Variants in XKR4 observed in about 807,000 individuals in gnomAD.
The protein encoded by XKR4 is XK related 4, also known as XK-related protein 4.
XKR4 carries 12 observed loss-of-function variants against 53.9 expected under a neutral mutation model. The ratio of observed to expected loss-of-function variants is 0.22; its 90% CI spans 0.14 to 0.36. The LOEUF is 0.36. XKR4 is among the 10% of genes least tolerant of loss of function. The pLI is 1.00. For synonymous variants in XKR4, 354 were observed against 362.4 expected (o/e 0.98, Z 0.26); for missense variants, 799 against 859.5 (o/e 0.93, Z 0.88).
In XKR4 at chr8:55,454,268, A is replaced by T. The variant is rs1414263733; in HGVS notation, c.1007-69013A>T. The T allele has an allele frequency of 3.0e-6, 4 of 1,325,174 alleles. No individual in the cohort carries two copies. In the East Asian group the frequency reaches 9.2e-5, roughly 31 times the overall value. 82.1% of individuals were successfully genotyped at this position (1,325,174 alleles called of 1,614,324 possible). ...ATCCAGATCAGCTACAATCACGTCT[A>T]GCAGCTCCTGGGTCTCTGCCTGGAA... On this transcript the variant is annotated intron_variant, in intron 2 of 2. Transcript: ENST00000327381.
At chr8:55,461,289 G>A (rs765561264) in intron 2 of XKR4, among the ~76,000 whole-genome samples, 4 of 152,198 alleles carry the variant, frequency 2.6e-5, no homozygotes, top group Non-Finnish European at 4.4e-5. Flanking sequence ...CCAGAGGAAC[G>A]ATCAGGCAGC....
At chr8:55,482,485 A>G (rs1806125551) in intron 2 of XKR4, among the ~76,000 whole-genome samples, 1 of 152,158 alleles carries the variant, frequency 6.6e-6, no homozygotes, top group African/African-American at 2.4e-5. Flanking sequence ...AACATGGCAC[A>G]TGTATACATA....
intron 1 of XKR4, among the ~76,000 whole-genome samples, chr8:55,304,825 C>CT (rs1563320271): frequency 1.3e-5 from 2 of 151,948 alleles, no homozygotes; most frequent in African/African-American, 2.4e-5. Flanking sequence ...CAACCCCTGC[C>CT]TTTTTTTGTT....
Position 55,283,350 on chromosome 8 carries a change from C to A in XKR4, c.807-74328C>A, listed in dbSNP as rs141564866. On this transcript the variant is annotated intron_variant, in intron 1 of 2. Transcript: ENST00000327381. ...GACTGAGAAGGCCCAATTTTAAATACCAGCTCCGTCACCAGCTGCTCTGTG... is the reference window on the plus strand; with the variant it reads ...GACTGAGAAGGCCCAATTTTAAATAACAGCTCCGTCACCAGCTGCTCTGTG... 5.9e-3 allele frequency among the ~76,000 whole-genome samples: 895 copies of A among 152,316 alleles called. 4 individuals are homozygous for A. The highest frequency in any genetic ancestry group is 9.2e-3 in the Non-Finnish European group (627 of 68,022).
At chr8:55,127,153 A>C (rs1165022078) in intron 1 of XKR4, among the ~76,000 whole-genome samples, 1 of 152,126 alleles carries the variant, frequency 6.6e-6, no homozygotes, top group Non-Finnish European at 1.5e-5. Context: ...CTATTCTCGT[A>C]TGAGCCAGCT....
At chr8:55,342,679 G>A (rs942917306) in intron 1 of XKR4, among the ~76,000 whole-genome samples, 2 of 152,178 alleles carry the variant, frequency 1.3e-5, no homozygotes, top group East Asian at 1.9e-4. Flanking sequence ...GATTTTAAAC[G>A]AAGAGGGCTT....
At chr8:55,119,780 A>G (rs1312312936) in intron 1 of XKR4, among the ~76,000 whole-genome samples, 1 of 152,208 alleles carries the variant, frequency 6.6e-6, no homozygotes, top group East Asian at 1.9e-4. Flanking sequence ...TCTGAGCTTT[A>G]AAAGGCTCCA....
At chr8:55,495,744 C>T (rs1296390286) in intron 2 of XKR4, among the ~76,000 whole-genome samples, 1 of 152,220 alleles carries the variant, frequency 6.6e-6, no homozygotes, top group African/African-American at 2.4e-5. Context: ...TTGGGGGCAG[C>T]TCAGTCGACT....
chr8:55,450,553 G>A, intron 2 of XKR4: 1 of 692,610 alleles, frequency 1.4e-6, no homozygotes, highest in Non-Finnish European at 2.7e-6. Flanking sequence ...AGCGGGACAC[G>A]TGGTGGTAGC....
chr8:55,209,647 A>G (rs759661707), intron 1 of XKR4, among the ~76,000 whole-genome samples: 5 of 152,138 alleles, frequency 3.3e-5, no homozygotes, highest in Non-Finnish European at 7.3e-5. Flanking sequence ...ATTGTGGTCC[A>G]TGTCCCACAC....
intron 2 of XKR4, among the ~76,000 whole-genome samples, chr8:55,506,866 G>A (rs1052665956): frequency 2.0e-5 from 3 of 152,214 alleles, no homozygotes; most frequent in Non-Finnish European, 4.4e-5. Context: ...GTTCACTGCT[G>A]ACAGAATATT....
intron 1 of XKR4, among the ~76,000 whole-genome samples, chr8:55,331,843 T>C (rs1420523280): frequency 1.3e-5 from 2 of 152,158 alleles, no homozygotes; most frequent in Admixed American, 1.3e-4. Context: ...ATATAAGATA[T>C]GTGTCTTACA....
At chr8:55,500,575 C>T (rs1346264071) in intron 2 of XKR4, among the ~76,000 whole-genome samples, 1 of 152,132 alleles carries the variant, frequency 6.6e-6, no homozygotes, top group East Asian at 1.9e-4. Flanking sequence ...ATTACTAAAC[C>T]ACCCTCCTCT....
At chr8:55,236,235 T>C (rs1418525160) in intron 1 of XKR4, among the ~76,000 whole-genome samples, 3 of 152,170 alleles carry the variant, frequency 2.0e-5, no homozygotes, top group African/African-American at 7.2e-5. Flanking sequence ...AGGTGAGTGA[T>C]GCTTTGCTGC....
chr8:55,206,366 T>C (rs140420715), intron 1 of XKR4, among the ~76,000 whole-genome samples: 41 of 152,286 alleles, frequency 2.7e-4, no homozygotes, highest in African/African-American at 9.6e-4. Context: ...TGCTGATTGG[T>C]GTGCTTACAA....
At chr8:55,488,616 G>A (rs1806227316) in intron 2 of XKR4, among the ~76,000 whole-genome samples, 1 of 152,194 alleles carries the variant, frequency 6.6e-6, no homozygotes, top group Non-Finnish European at 1.5e-5. Flanking sequence ...TCAACTATAT[G>A]ATATTCTGGA....
chr8:55,242,180 T>TC (rs1330522157), intron 1 of XKR4, among the ~76,000 whole-genome samples: 1 of 152,136 alleles, frequency 6.6e-6, no homozygotes, highest in Non-Finnish European at 1.5e-5. Flanking sequence ...TCTTTTTTAG[T>TC]CCCCCATAAG....
At chr8:55,428,046 T>C (rs1365406894) in intron 2 of XKR4, among the ~76,000 whole-genome samples, 2 of 152,238 alleles carry the variant, frequency 1.3e-5, no homozygotes, top group East Asian at 1.9e-4. Flanking sequence ...TTTTTCAGTC[T>C]ATGGGAACTG....
rs746238764 is a variant in XKR4, at chr8:55,523,480, G to C, written c.1206G>C (p.Gly402=). Residue 402 remains glycine (G), a synonymous_variant, in exon 3 of 3, where the codon GGG becomes GGC. Coordinates refer to ENST00000327381, the MANE Select transcript of XKR4 (RefSeq NM_052898.2). ...LFASVFQLYF[G]IFIVLHWCIM... ...CCTCGGTTTTCCAGCTGTACTTTGG[G>C]ATCTTCATCGTCCTTCACTGGTGCA... The C allele has an allele frequency of 2.5e-6, 4 of 1,614,186 alleles. No homozygotes were observed. The South Asian group carries it at 4.4e-5, about 18-fold the overall frequency.
Sources: gnomAD v4.1 joint callset for allele counts (sites outside exome capture counted in the v4.1 genomes callset) on GRCh38, gnomAD v4.1.1 for gene constraint, MANE v1.5 for transcripts, NCBI Gene and HGNC (gene_info 2026-07-23, HGNC 2026-07-21) for gene names.